The following EFR3B variants were observed in gnomAD, a reference collection of about 807,000 sequenced individuals.
The protein encoded by EFR3B is protein EFR3 homolog B.
A neutral mutation model predicts 104.7 loss-of-function variants in EFR3B; 64 were observed. The ratio of observed to expected loss-of-function variants is 0.61; its 90% CI spans 0.50 to 0.75. The LOEUF (loss-of-function observed/expected upper bound fraction) is 0.75. Among genes scored for constraint, EFR3B ranks in the 30% least tolerant of loss-of-function variants. The probability of loss-of-function intolerance (pLI) is 0.00; values close to 1 mark genes in which losing one functional copy is unlikely to be tolerated. For missense variants in EFR3B, 750 were observed against 1,078.5 expected, an observed-to-expected ratio of 0.70 and a Z score of 4.27; for synonymous variants, 385 against 417.9, an observed-to-expected ratio of 0.92 and a Z score of 0.96.
chr2:25,132,527 T>A (rs1670374776), intron 10 of EFR3B, among the ~76,000 whole-genome samples: 1 of 152,026 alleles, frequency 6.6e-6, no homozygotes. Context: ...TCTTAGTTCG[T>A]GGGAGGAGGA....
chr2:25,042,566 G>A lies in EFR3B; in HGVS notation c.7+247G>A, dbSNP rs1242587813. 4 of 1,202,394 alleles carry A rather than the reference G, an allele frequency of 3.3e-6. No homozygotes were observed. The highest frequency in any genetic ancestry group is 3.2e-5 in the African/African-American group (2 of 63,292). The allele number at this position is 1,202,394 out of a possible 1,614,324, so 74.5% of individuals were successfully genotyped here. On this transcript the variant is annotated intron_variant, in intron 1 of 22. Coordinates refer to ENST00000403714, the MANE Select transcript of EFR3B (RefSeq NM_014971.2). The surrounding 1 kb of genome is among the most constrained non-coding windows in gnomAD (Gnocchi z 5.4). ...CCGGTGCTGGGCGGTGGTCCTTCGG[G>A]GGGCGGAGGCTCAGGGGAAAGCGGG...
At chr2:25,140,894 T>A (rs1558618553) in intron 16 of EFR3B, among the ~76,000 whole-genome samples, 1 of 151,948 alleles carries the variant, frequency 6.6e-6, no homozygotes, top group Non-Finnish European at 1.5e-5. Flanking sequence ...TATAAAAATT[T>A]GCCAGGCGTG....
At chr2:25,052,145 A>G (rs552451956) in intron 1 of EFR3B, among the ~76,000 whole-genome samples, 18 of 151,528 alleles carry the variant, frequency 1.2e-4, no homozygotes, top group Non-Finnish European at 4.4e-5. Context: ...GCAGTGAGCC[A>G]AGATCACACC....
intron 19 of EFR3B, among the ~76,000 whole-genome samples, chr2:25,148,623 C>CT (rs754825875): frequency 1.3e-4 from 19 of 151,088 alleles, no homozygotes; most frequent in Non-Finnish European, 2.4e-4. Context: ...TAATTTAATA[C>CT]TTTAAGACTT....
chr2:25,136,555 A>G lies in EFR3B; in HGVS notation c.1517A>G (p.Lys506Arg). The G allele has an allele frequency of 6.4e-7, 1 of 1,551,458 alleles. No homozygotes were observed. The highest frequency in any genetic ancestry group is 1.2e-5 in the South Asian group (1 of 84,050). Residue 506 changes from lysine to arginine, a missense_variant, in exon 14 of 23, where the codon AAA becomes AGA. Physicochemically the swap from Lys to Arg is conservative, Grantham distance 26. Coordinates refer to ENST00000403714, the MANE Select transcript of EFR3B (RefSeq NM_014971.2). The surrounding 1 kb of genome is among the most constrained non-coding windows in gnomAD (Gnocchi z 4.0). ...AGTGACATCTCTGTCCTGAAGCTGA[A>G]AGTGGACAAGTGCTCTCGACAGGAC... ...TLSDISVLKL[K>R]VDKCSRQDTV...
At chr2:25,122,181 C>T (rs552141702) in intron 5 of EFR3B, among the ~76,000 whole-genome samples, 7 of 151,974 alleles carry the variant, frequency 4.6e-5, no homozygotes, top group Admixed American at 6.6e-5. Context: ...TGGCCAGGCT[C>T]ATCTCAAACT....
At position 25,081,717 on chromosome 2, in the gene EFR3B, C is replaced by G. The variant is rs183932957; in HGVS notation, c.8-9608C>G. 42 of 497,900 alleles carry G rather than the reference C, an allele frequency of 8.4e-5. 1 individual carries two copies. In the Admixed American group the frequency reaches 1.1e-3, roughly 13 times the overall value. 30.8% of individuals were successfully genotyped at this position (497,900 alleles called of 1,614,324 possible). A position where few individuals can be genotyped will look rare whatever the true frequency, so the allele number is the denominator to read the frequency against. ...CCGAGTGAGACCCATTCCCTTGGTA[C>G]CGCCTGCAGCCGCACAGGCCCCTGG... On this transcript the variant is annotated intron_variant, in intron 1 of 22. Coordinates refer to ENST00000403714, the MANE Select transcript of EFR3B (RefSeq NM_014971.2).
rs533942690 is a variant in EFR3B, at chr2:25,116,431, C to T, written c.364-5242C>T. ...TTGAGACCAGGAGTTTGAGACCAGC[C>T]TGGTCAACATGGCAAAACCCCGTCT... On this transcript the variant is annotated intron_variant, in intron 4 of 22. Coordinates refer to ENST00000403714, the MANE Select transcript of EFR3B (RefSeq NM_014971.2). 8.4e-4 allele frequency among the ~76,000 whole-genome samples: 128 copies of T among 152,186 alleles called. No individual in the cohort carries two copies. The South Asian group carries it at 8.5e-3, about 10-fold the overall frequency.
chr2:25,138,721 A>G (rs140223434), intron 15 of EFR3B, among the ~76,000 whole-genome samples: 173 of 152,270 alleles, frequency 1.1e-3, no homozygotes, highest in African/African-American at 3.3e-3. Flanking sequence ...CGCTATAGTG[A>G]AGGAGACAGC....
In EFR3B at chr2:25,143,822, C is replaced by T. The variant is rs748268434; in HGVS notation, c.2010C>T (p.Asn670=). The change falls in exon 18 of 23, where the codon AAC becomes AAT. Residue 670 remains asparagine, a synonymous_variant. Transcript: ENST00000403714. ...AAGTCCTGGGAGGCAGTGGCTACAA[C>T]TCGGACCGGCTCTGCCTGCCCTACA... is the stretch of plus-strand genomic sequence containing the variant. ...ISEVLGGSGY[N]SDRLCLPYIP... 17 of 1,551,566 alleles carry T rather than the reference C, an allele frequency of 1.1e-5. No homozygotes were observed. Among genetic ancestry groups the T allele is most frequent in the Non-Finnish European group, 1.4e-5 (16 of 1,146,998 alleles).
intron 1 of EFR3B, among the ~76,000 whole-genome samples, chr2:25,043,404 A>C (rs905580628): frequency 2.6e-5 from 4 of 152,240 alleles, no homozygotes. Context: ...CTCCGCGAAC[A>C]GACTGTGAGT....
Position 25,130,045 on chromosome 2 carries a change from C to T in EFR3B, c.706C>T (p.Leu236Phe). The change falls in exon 7 of 23, where the codon CTT becomes TTT. Residue 236 changes from leucine (L) to phenylalanine (F), a missense_variant. Transcript: ENST00000403714. The surrounding 1 kb of genome is among the most constrained non-coding windows in gnomAD (Gnocchi z 4.6). ...ESPAELAERC[L>F]RELLGRAAFG... Reference sequence around the variant, plus strand: ...CCCCGCGGAGCTGGCTGAGAGGTGTCTTCGGGAGCTGCTGGGCCGGGCTGC... The same window carrying T: ...CCCCGCGGAGCTGGCTGAGAGGTGTTTTCGGGAGCTGCTGGGCCGGGCTGC... 1 of 1,551,770 alleles carries T rather than the reference C, an allele frequency of 6.4e-7. No homozygotes were observed. Among genetic ancestry groups the T allele is most frequent in the South Asian group, 1.2e-5 (1 of 84,058 alleles).
At chr2:25,085,962 A>G (rs1668940634) in intron 1 of EFR3B, among the ~76,000 whole-genome samples, 2 of 151,968 alleles carry the variant, frequency 1.3e-5, no homozygotes, top group South Asian at 4.2e-4. Flanking sequence ...TCGCCAGAGC[A>G]TCTGCTCTCC....
intron 1 of EFR3B, among the ~76,000 whole-genome samples, chr2:25,073,360 C>CTTT (rs33951017): frequency 9.9e-5 from 14 of 140,922 alleles, no homozygotes; most frequent in Admixed American, 7.9e-4. Context: ...CTATTTAATA[C>CTTT]TTTTTTTTTT....
intron 1 of EFR3B, among the ~76,000 whole-genome samples, chr2:25,057,396 T>C (rs1309875815): frequency 1.3e-5 from 2 of 151,332 alleles, no homozygotes; most frequent in Non-Finnish European, 2.9e-5. Flanking sequence ...CCCAGCTCGT[T>C]AAGTGGCATG....
intron 1 of EFR3B, among the ~76,000 whole-genome samples, chr2:25,047,028 G>GGGA (rs1667741960): frequency 6.6e-6 from 1 of 152,166 alleles, no homozygotes; most frequent in African/African-American, 2.4e-5. Flanking sequence ...TTGAGAAGGG[G>GGGA]GCCAGGTGAG....
chr2:25,106,695 G>A (rs1394595848), intron 4 of EFR3B, among the ~76,000 whole-genome samples: 3 of 152,122 alleles, frequency 2.0e-5, no homozygotes, highest in African/African-American at 4.8e-5. Flanking sequence ...CGCCTGCCTC[G>A]GCCTCCCAAA....
chr2:25,084,475 G>A (rs559764523), intron 1 of EFR3B, among the ~76,000 whole-genome samples: 8 of 152,264 alleles, frequency 5.3e-5, no homozygotes, highest in South Asian at 2.1e-4. Flanking sequence ...CTGATCTCAC[G>A]TGATCCACCT....
At chr2:25,079,823 A>T (rs1670726050) in intron 1 of EFR3B, 4 of 797,780 alleles carry the variant, frequency 5.0e-6, no homozygotes. Context: ...CACACCAAAA[A>T]GAACAATAAC....
Sources: allele counts gnomAD v4.1 joint callset (sites outside exome capture counted in the v4.1 genomes callset), GRCh38; gene constraint gnomAD v4.1.1; non-coding constraint Gnocchi (gnomAD v3.1); transcripts MANE v1.5; gene names NCBI Gene and HGNC (gene_info 2026-07-23, HGNC 2026-07-21).